The following KIF16B variants were observed in gnomAD, a reference collection of about 807,000 sequenced individuals.
The protein encoded by KIF16B is kinesin family member 16B, also known as kinesin-like protein KIF16B.
KIF16B carries 98 observed loss-of-function variants against 156.3 expected under a neutral mutation model. The ratio of observed to expected loss-of-function variants is 0.63; its 90% CI spans 0.53 to 0.74. KIF16B has a LOEUF of 0.74. KIF16B is among the 30% of genes least tolerant of loss of function. KIF16B has a pLI of 0.00. For synonymous variants in KIF16B, 564 were observed against 583.7 expected, an observed-to-expected ratio of 0.97 and a Z score of 0.49; for missense variants, 1,421 against 1,606.5, an observed-to-expected ratio of 0.88 and a Z score of 1.97.
intron 12 of KIF16B, among the ~76,000 whole-genome samples, chr20:16,467,058 A>C (rs2067511460): frequency 6.6e-6 from 1 of 152,212 alleles, no homozygotes; most frequent in Non-Finnish European, 1.5e-5. Context: ...TCTTGCTAAC[A>C]AGGTTTGCCC....
intron 14 of KIF16B, among the ~76,000 whole-genome samples, chr20:16,427,740 C>A (rs1020906574): frequency 4.1e-4 from 62 of 152,156 alleles, no homozygotes; most frequent in African/African-American, 1.5e-3. Context: ...CTTGAAAAGC[C>A]CAAGAGGCCT....
chr20:16,282,257 C>A (rs1440241955), intron 25 of KIF16B, among the ~76,000 whole-genome samples: 1 of 151,534 alleles, frequency 6.6e-6, no homozygotes, highest in Non-Finnish European at 1.5e-5. Flanking sequence ...GGCCTCGAAC[C>A]CCTGACCTCA....
At chr20:16,354,315 T>C (rs1369148553) in intron 23 of KIF16B, among the ~76,000 whole-genome samples, 1 of 152,242 alleles carries the variant, frequency 6.6e-6, no homozygotes, top group Non-Finnish European at 1.5e-5. Flanking sequence ...TCATTGCATG[T>C]ACCTCACTGC....
At chr20:16,414,077 A>G (rs2066026781) in intron 15 of KIF16B, among the ~76,000 whole-genome samples, 1 of 152,098 alleles carries the variant, frequency 6.6e-6, no homozygotes, top group Admixed American at 6.6e-5. Flanking sequence ...AATACATGCC[A>G]ATACTTAAGA....
At chr20:16,520,321 G>A (rs2069297588) in intron 3 of KIF16B, among the ~76,000 whole-genome samples, 3 of 152,092 alleles carry the variant, frequency 2.0e-5, no homozygotes, top group African/African-American at 7.2e-5. Context: ...AAGTGGACCT[G>A]GGATGCTTGA....
chr20:16,454,495 T>TATAA (rs2067164074), intron 12 of KIF16B, among the ~76,000 whole-genome samples: 2 of 151,804 alleles, frequency 1.3e-5, no homozygotes, highest in African/African-American at 4.8e-5. Context: ...AGATAAACCT[T>TATAA]ACTTTTATTG....
chr20:16,396,652 T>C (rs1296082111), intron 17 of KIF16B, among the ~76,000 whole-genome samples: 187 of 150,050 alleles, frequency 1.2e-3, no homozygotes, highest in African/African-American at 4.1e-3. Context: ...TAGTCGCTTT[T>C]TTTTTTTTTT....
intron 1 of KIF16B, among the ~76,000 whole-genome samples, chr20:16,535,319 C>T (rs2069916449): frequency 1.3e-5 from 2 of 152,164 alleles, no homozygotes; most frequent in African/African-American, 4.8e-5. Context: ...TATACAAATG[C>T]TATTGACTTT....
intron 22 of KIF16B, among the ~76,000 whole-genome samples, chr20:16,364,959 G>A (rs1273542533): frequency 2.0e-5 from 3 of 152,154 alleles, no homozygotes; most frequent in Non-Finnish European, 4.4e-5. Context: ...GTACCTGTGC[G>A]AATAAGCACA....
intron 12 of KIF16B, among the ~76,000 whole-genome samples, chr20:16,483,750 G>C (rs2068042040): frequency 6.6e-6 from 1 of 152,060 alleles, no homozygotes; most frequent in Non-Finnish European, 1.5e-5. Context: ...GTAACACACA[G>C]GCAAAAGTCA....
chr20:16,310,950 C>T (rs2063610979), intron 25 of KIF16B, among the ~76,000 whole-genome samples: 1 of 152,228 alleles, frequency 6.6e-6, no homozygotes, highest in South Asian at 2.1e-4. Flanking sequence ...TCCCAGTCTT[C>T]AATTTCTCCT....
intron 12 of KIF16B, among the ~76,000 whole-genome samples, chr20:16,468,923 A>T (rs2067576051): frequency 6.6e-6 from 1 of 152,164 alleles, no homozygotes; most frequent in South Asian, 2.1e-4. Context: ...ACATTCACCA[A>T]GACAGACCAT....
chr20:16,363,215 C>T (rs1386828934), intron 22 of KIF16B, among the ~76,000 whole-genome samples: 2 of 152,138 alleles, frequency 1.3e-5, no homozygotes, highest in African/African-American at 4.8e-5. Context: ...ACAGACTCTG[C>T]AGATGGAGAT....
intron 1 of KIF16B, among the ~76,000 whole-genome samples, chr20:16,533,614 C>T (rs1332304744): frequency 2.0e-5 from 3 of 152,188 alleles, no homozygotes; most frequent in Non-Finnish European, 4.4e-5. Context: ...TCAGCTAATA[C>T]TGTCTCCATT....
chr20:16,462,827 G>A (rs2067383612), intron 12 of KIF16B, among the ~76,000 whole-genome samples: 1 of 152,206 alleles, frequency 6.6e-6, no homozygotes, highest in African/African-American at 2.4e-5. Context: ...TGTGCCAATA[G>A]CAAAAGGCTA....
rs543318002 is a variant in KIF16B, at chr20:16,338,161, C to T, written c.3622-2146G>A. 5.7e-3 allele frequency among the ~76,000 whole-genome samples: 865 copies of T among 152,300 alleles called. 10 individuals are homozygous for T. The highest frequency in any genetic ancestry group is 9.8e-3 in the Non-Finnish European group (664 of 68,024). On this transcript the variant is annotated intron_variant, in intron 23 of 25. Coordinates refer to ENST00000354981, the MANE Select transcript of KIF16B (RefSeq NM_024704.5). ...AACATCCCTTTCATCTTTGCTGTAACTGAAACCCGGCTCTCCCGTGAGGAA... is the reference window on the plus strand; with the variant it reads ...AACATCCCTTTCATCTTTGCTGTAATTGAAACCCGGCTCTCCCGTGAGGAA...
intron 25 of KIF16B, among the ~76,000 whole-genome samples, chr20:16,292,360 C>CTG (rs2063325622): frequency 1.3e-5 from 2 of 152,160 alleles, no homozygotes; most frequent in Admixed American, 1.3e-4. Flanking sequence ...GCACCATATG[C>CTG]TGTGATTCAT....
In KIF16B at chr20:16,471,437, C is replaced by G. The variant is rs186338593; in HGVS notation, c.1302+22854G>C. On this transcript the variant is annotated intron_variant, in intron 12 of 25. Transcript: ENST00000354981. ...TATTATAAGTGCTGACACAGGTATGCCCCAATGACATGATGGTAATACGTG... is the reference window on the plus strand; with the variant it reads ...TATTATAAGTGCTGACACAGGTATGGCCCAATGACATGATGGTAATACGTG... 1.7e-3 allele frequency among the ~76,000 whole-genome samples: 264 copies of G among 152,236 alleles called. 1 individual carries two copies. The highest frequency in any genetic ancestry group is 5.7e-3 in the African/African-American group (238 of 41,548).
At chr20:16,411,465 A>G (rs1190155231) in intron 15 of KIF16B, among the ~76,000 whole-genome samples, 1 of 152,084 alleles carries the variant, frequency 6.6e-6, no homozygotes, top group East Asian at 1.9e-4. Flanking sequence ...CTTCTGTGCC[A>G]CAGATCAACA....
Sources: gnomAD v4.1 joint callset for allele counts (sites outside exome capture counted in the v4.1 genomes callset) on GRCh38, gnomAD v4.1.1 for gene constraint, MANE v1.5 for transcripts, NCBI Gene and HGNC (gene_info 2026-07-23, HGNC 2026-07-21) for gene names.